Variants in COL21A1 observed in about 807,000 individuals in gnomAD.
COL21A1 encodes the protein collagen alpha-1(XXI) chain.
In COL21A1, 149 loss-of-function variants were observed where a neutral mutation model predicts 137.9. The ratio of observed to expected loss-of-function variants is 1.08; its 90% CI spans 0.95 to 1.24. COL21A1 has a LOEUF of 1.24. COL21A1 is among the 50% of genes most tolerant of loss of function. The probability of loss-of-function intolerance (pLI) is 0.00; values close to 1 mark genes in which losing one functional copy is unlikely to be tolerated. For synonymous variants in COL21A1, 456 were observed against 391.5 expected, an observed-to-expected ratio of 1.16 and a Z score of -1.95; for missense variants, 1,167 against 1,158.4, an observed-to-expected ratio of 1.01 and a Z score of -0.11.
rs182957802 is a variant in COL21A1 at position 56,063,385 on chromosome 6, G to T, written c.2172+1193C>A. ...AAATGAAGGGAAGAAGGTCCTATGG[G>T]AATAGCAGTTTATAGATGTTTTGTG... On this transcript the variant is annotated intron_variant, in intron 24 of 29. Coordinates refer to ENST00000244728, the MANE Select transcript of COL21A1 (RefSeq NM_030820.4). Among the ~76,000 whole-genome samples, 50 of 152,206 alleles carry T rather than the reference G, an allele frequency of 3.3e-4. No individual in the cohort carries two copies. In the South Asian group the frequency reaches 6.6e-3, roughly 20 times the overall value.
At chr6:56,300,140 A>C (rs2152337166) in intron 1 of COL21A1, among the ~76,000 whole-genome samples, 1 of 152,286 alleles carries the variant, frequency 6.6e-6, no homozygotes, top group Non-Finnish European at 1.5e-5. Context: ...ATGTGCCGGA[A>C]GCCAACATGA....
chr6:56,157,247 C>T (rs886856794), intron 9 of COL21A1, among the ~76,000 whole-genome samples: 3 of 150,248 alleles, frequency 2.0e-5, no homozygotes, highest in East Asian at 3.9e-4. Context: ...GAATTCTGAA[C>T]GAACTGTAAA....
chr6:56,134,062 G>A (rs1175282623), intron 12 of COL21A1, among the ~76,000 whole-genome samples: 1 of 152,182 alleles, frequency 6.6e-6, no homozygotes, highest in Non-Finnish European at 1.5e-5. Context: ...GAAGGTCACA[G>A]TCCTCCAAAC....
At chr6:56,130,168 TATA>T (rs1561898254) in intron 12 of COL21A1, among the ~76,000 whole-genome samples, 3 of 79,588 alleles carry the variant, frequency 3.8e-5, no homozygotes, top group Non-Finnish European at 7.4e-5. Context: ...CAGGGTTTTA[TATA>T]TATATATATA....
Position 56,168,296 on chromosome 6 carries a change from G to A in COL21A1, c.1028C>T (p.Thr343Met), listed in dbSNP as rs35471617. 0.072 allele frequency: 110,129 copies of A among 1,522,092 alleles called. 4,379 individuals carry two copies. The highest frequency in any genetic ancestry group is 0.11 in the Admixed American group (5,723 of 50,376). 94.3% of individuals were successfully genotyped at this position (1,522,092 alleles called of 1,614,324 possible). A position where few individuals can be genotyped will look rare whatever the true frequency, so the allele number is the denominator to read the frequency against. ...TTGGTGCCAGCCTTCATCAAACAAC[G>A]TCTACAAAAAGAAAGTGTGGAAGAT... ...VVTFANPQVKTLFDEGWHQIR... is the reference protein window; with the variant it reads ...VVTFANPQVKMLFDEGWHQIR... The change falls in exon 6 of 30, where the codon ACG becomes ATG. Residue 343 changes from threonine to methionine, a missense_variant and splice_region_variant. Thr to Met is a moderately conservative substitution (Grantham distance 81). Transcript: ENST00000244728.
At chr6:56,096,504 T>G (rs2114229585) in intron 17 of COL21A1, among the ~76,000 whole-genome samples, 1 of 152,354 alleles carries the variant, frequency 6.6e-6, no homozygotes, top group East Asian at 1.9e-4. Flanking sequence ...GTTAATTAGG[T>G]ATAATTTACT....
chr6:56,077,457 G>GT, intron 18 of COL21A1, 72 bp downstream of exon 18: 2 of 959,010 alleles, frequency 2.1e-6, no homozygotes, highest in South Asian at 1.5e-5. Context: ...ATGTAAAACT[G>GT]TATTTTATTG....
At chr6:56,166,027 C>T (rs773031466) in intron 7 of COL21A1, among the ~76,000 whole-genome samples, 2 of 151,376 alleles carry the variant, frequency 1.3e-5, no homozygotes, top group Non-Finnish European at 2.9e-5. Flanking sequence ...TAAATAGAAA[C>T]GCTGCTTATA....
At chr6:56,340,534 C>T (rs1765441127) in intron 1 of COL21A1, among the ~76,000 whole-genome samples, 3 of 152,188 alleles carry the variant, frequency 2.0e-5, no homozygotes, top group Non-Finnish European at 1.5e-5. Flanking sequence ...GAGAGGAGGA[C>T]CAGCTAGGTC....
chr6:56,282,237 T>C (rs536776642), intron 1 of COL21A1, among the ~76,000 whole-genome samples: 2 of 152,284 alleles, frequency 1.3e-5, no homozygotes, highest in African/African-American at 4.8e-5. Flanking sequence ...AGGATTTCAA[T>C]AGAATTCTAA....
At chr6:56,065,344 A>G (rs1323686204) in intron 23 of COL21A1, among the ~76,000 whole-genome samples, 1 of 152,024 alleles carries the variant, frequency 6.6e-6, no homozygotes, top group South Asian at 2.1e-4. Context: ...CATCAATTTA[A>G]TTAAGTGAAT....
chr6:56,135,665 T>G (rs62413473), intron 12 of COL21A1, among the ~76,000 whole-genome samples: 22,846 of 152,124 alleles, frequency 0.15, 1,754 homozygotes, highest in Middle Eastern at 0.22. Flanking sequence ...TTTCTTACAG[T>G]CTTATTGGTA....
intron 17 of COL21A1, among the ~76,000 whole-genome samples, chr6:56,083,760 A>G (rs1435558886): frequency 2.6e-5 from 4 of 152,032 alleles, no homozygotes; most frequent in Admixed American, 6.6e-5. Flanking sequence ...CTACAAGCTG[A>G]TGTAATTTGT....
At chr6:56,102,797 C>T (rs752047022) in intron 16 of COL21A1, among the ~76,000 whole-genome samples, 3 of 152,088 alleles carry the variant, frequency 2.0e-5, no homozygotes, top group Non-Finnish European at 4.4e-5. Flanking sequence ...CAACTAAAGC[C>T]AAATATTTCA....
intron 1 of COL21A1, among the ~76,000 whole-genome samples, chr6:56,221,036 T>C (rs910188395): frequency 5.9e-5 from 9 of 152,150 alleles, no homozygotes; most frequent in Non-Finnish European, 1.2e-4. Flanking sequence ...TCTTCATGCA[T>C]TAAGTGTACT....
chr6:56,289,372 G>A (rs1323207818), intron 1 of COL21A1, among the ~76,000 whole-genome samples: 1 of 152,184 alleles, frequency 6.6e-6, no homozygotes, highest in Non-Finnish European at 1.5e-5. Context: ...AATCCTTGCA[G>A]CTTGTACATA....
intron 1 of COL21A1, among the ~76,000 whole-genome samples, chr6:56,346,293 C>A (rs1310136933): frequency 1.3e-5 from 2 of 152,196 alleles, no homozygotes; most frequent in Non-Finnish European, 2.9e-5. Context: ...GTCTATTGAC[C>A]ATAGATTGGT....
intron 1 of COL21A1, among the ~76,000 whole-genome samples, chr6:56,298,606 A>G (rs1230810829): frequency 6.6e-6 from 1 of 152,100 alleles, no homozygotes; most frequent in Non-Finnish European, 1.5e-5. Flanking sequence ...AGGTCTAAAG[A>G]GTTGGTGGCA....
intron 1 of COL21A1, among the ~76,000 whole-genome samples, chr6:56,387,982 G>C (rs2094021481): frequency 6.6e-6 from 1 of 152,152 alleles, no homozygotes; most frequent in African/African-American, 2.4e-5. Flanking sequence ...CCAGCTCCAG[G>C]CAGTTCAGCT....
Sources: allele counts gnomAD v4.1 joint callset (sites outside exome capture counted in the v4.1 genomes callset), GRCh38; gene constraint gnomAD v4.1.1; transcripts MANE v1.5; gene names NCBI Gene and HGNC (gene_info 2026-07-23, HGNC 2026-07-21).